Variants in SLC7A2 observed in about 807,000 individuals in gnomAD.
SLC7A2 encodes the protein cationic amino acid transporter 2.
SLC7A2 carries 48 observed loss-of-function variants against 58.9 expected under a neutral mutation model. The ratio of observed to expected loss-of-function variants is 0.82; its 90% CI spans 0.65 to 1.04. The LOEUF is 1.04. Ranked by LOEUF, SLC7A2 falls within the 50% of genes least tolerant of loss-of-function variation. SLC7A2 has a pLI of 0.00. For synonymous variants in SLC7A2, 363 were observed against 314.5 expected (o/e 1.15, Z -1.63); for missense variants, 1,029 against 818.8 (o/e 1.26, Z -3.13).
intron 2 of SLC7A2, among the ~76,000 whole-genome samples, chr8:17,521,935 G>A (rs987733721): frequency 6.6e-6 from 1 of 152,178 alleles, no homozygotes; most frequent in Non-Finnish European, 1.5e-5. Context: ...ATTGTGTTTG[G>A]AAAGTTCTTT....
intron 2 of SLC7A2, among the ~76,000 whole-genome samples, chr8:17,536,980 C>T (rs1391741046): frequency 6.6e-6 from 1 of 152,234 alleles, no homozygotes; most frequent in African/African-American, 2.4e-5. Flanking sequence ...CCAGGCTCCT[C>T]TTGCCCTGCC....
At chr8:17,542,866 G>A (rs1323417970) in intron 2 of SLC7A2, among the ~76,000 whole-genome samples, 1 of 152,122 alleles carries the variant, frequency 6.6e-6, no homozygotes, top group South Asian at 2.1e-4. Flanking sequence ...GGAGGCTGAG[G>A]TGGGAGGATT....
chr8:17,538,911 C>A lies in SLC7A2; in HGVS notation c.-22-4407C>A, dbSNP rs200077616. The A allele has an allele frequency of 1.3e-3, 2,170 of 1,612,652 alleles. 2 individuals carry two copies. Among genetic ancestry groups the A allele is most frequent in the Non-Finnish European group, 1.7e-3 (2,041 of 1,178,824 alleles). ...CACCTGCCCCACCGGTTTGCGACAG[C>A]AAGTTTCTCCTGTAAGATTTATTGT... On this transcript the variant is annotated intron_variant, in intron 2 of 12. Transcript: ENST00000494857.
chr8:17,495,287 T>A (rs1311601233), upstream of SLC7A2, among the ~76,000 whole-genome samples: 1 of 152,096 alleles, frequency 6.6e-6, no homozygotes, highest in Non-Finnish European at 1.5e-5. Context: ...TAGACCAGAT[T>A]ACTCACCCTT....
chr8:17,550,482 G>T lies in SLC7A2; in HGVS notation c.832+48G>T, dbSNP rs749348921. 4 of 1,573,124 alleles carry T rather than the reference G, an allele frequency of 2.5e-6. No homozygotes were observed. The East Asian group carries it at 9.1e-5, about 36-fold the overall frequency. On this transcript the variant is annotated intron_variant, in intron 6 of 12. Coordinates refer to ENST00000494857, the MANE Select transcript of SLC7A2 (RefSeq NM_001370338.1). Reference sequence around the variant, plus strand: ...GTGTAGAAGGAGTGTTCCTTGTTGTGCACGAGTACCCGTGTGTGGTAGCAG... The same window carrying T: ...GTGTAGAAGGAGTGTTCCTTGTTGTTCACGAGTACCCGTGTGTGGTAGCAG...
chr8:17,519,053 T>A (rs1297432493), intron 2 of SLC7A2, among the ~76,000 whole-genome samples: 1 of 152,138 alleles, frequency 6.6e-6, no homozygotes, highest in East Asian at 1.9e-4. Context: ...CATCTAGCCC[T>A]AATTACCTTC....
intron 4 of SLC7A2, among the ~76,000 whole-genome samples, chr8:17,544,985 C>G (rs1041793858): frequency 4.6e-5 from 7 of 152,156 alleles, no homozygotes; most frequent in Admixed American, 4.6e-4. Context: ...TTTGCAATTT[C>G]TAGAAGAATT....
At chr8:17,536,586 AT>A (rs1024502393) in intron 2 of SLC7A2, among the ~76,000 whole-genome samples, 3 of 152,092 alleles carry the variant, frequency 2.0e-5, no homozygotes, top group African/African-American at 7.2e-5. Context: ...ATGTCAAGCT[AT>A]TTTTTTCAAG....
At chr8:17,555,225 G>A (rs1323242046) in intron 8 of SLC7A2, 3 of 710,104 alleles carry the variant, frequency 4.2e-6, no homozygotes, top group Admixed American at 2.9e-5. Context: ...ACAAGCATTG[G>A]GATTAACATG....
In SLC7A2 at chr8:17,560,436, G is replaced by T. The variant is rs746811417; in HGVS notation, c.1407G>T (p.Leu469=). 8.7e-6 allele frequency: 14 copies of T among 1,614,082 alleles called. No individual in the cohort carries two copies. The highest frequency in any genetic ancestry group is 1.2e-5 in the Non-Finnish European group (14 of 1,179,972). The change falls in exon 10 of 13, where the codon CTG becomes CTT. Residue 469 remains leucine, a synonymous_variant. Transcript: ENST00000494857. ...AGAGTGAGTCCCAGGTCACCATGCT[G>T]CAGAGACAGGGCTTCAGCATGCGGA... ...TSKSESQVTM[L]QRQGFSMRTL...
Position 17,516,365 on chromosome 8 carries a change from A to G in SLC7A2, c.-23+14063A>G, listed in dbSNP as rs191937457. Among the ~76,000 whole-genome samples, 547 of 152,250 alleles carry G rather than the reference A, an allele frequency of 3.6e-3. 12 individuals are homozygous for G. The highest frequency in any genetic ancestry group is 0.034 in the Admixed American group (515 of 15,294). ...CTCAGCCTCCCAAGTAGCTGGGATT[A>G]CAGGTGCACCACCACACCCGGCTAA... On this transcript the variant is annotated intron_variant, in intron 2 of 12. Transcript: ENST00000494857.
intron 2 of SLC7A2, among the ~76,000 whole-genome samples, chr8:17,540,171 G>A (rs758352947): frequency 6.6e-6 from 1 of 152,092 alleles, no homozygotes; most frequent in Admixed American, 6.6e-5. Context: ...GTTTAAAAAT[G>A]ACTCATTAAA....
intron 2 of SLC7A2, among the ~76,000 whole-genome samples, chr8:17,524,308 T>G (rs1470020406): frequency 6.6e-6 from 1 of 152,112 alleles, no homozygotes; most frequent in Non-Finnish European, 1.5e-5. Flanking sequence ...TGCACATGCA[T>G]GTTTATAGTA....
chr8:17,515,179 T>G (rs1202936109), intron 2 of SLC7A2, among the ~76,000 whole-genome samples: 1 of 152,208 alleles, frequency 6.6e-6, no homozygotes, highest in African/African-American at 2.4e-5. Context: ...AGTCAGTATG[T>G]AATGGTGTGA....
At chr8:17,547,328 A>G (rs115619155) in intron 4 of SLC7A2, among the ~76,000 whole-genome samples, 1 of 152,254 alleles carries the variant, frequency 6.6e-6, no homozygotes, top group African/African-American at 2.4e-5. Context: ...TGTATTCAGT[A>G]TCATGAGAAC....
chr8:17,554,507 A>T (rs1226699644), intron 7 of SLC7A2, 53 bp from the exon 8 acceptor site: 10 of 1,445,766 alleles, frequency 6.9e-6, no homozygotes, highest in African/African-American at 4.3e-5. Flanking sequence ...CCGTTCGGGG[A>T]TGTAATCTTG....
intron 2 of SLC7A2, among the ~76,000 whole-genome samples, chr8:17,526,576 T>C (rs1439522199): frequency 6.6e-6 from 1 of 151,814 alleles, no homozygotes; most frequent in Non-Finnish European, 1.5e-5. Flanking sequence ...GTGTGTGGAG[T>C]GAGTAGAGAT....
At chr8:17,495,259 A>T (rs775964443), upstream of SLC7A2, among the ~76,000 whole-genome samples, 4 of 152,024 alleles carry the variant, frequency 2.6e-5, no homozygotes, top group Non-Finnish European at 5.9e-5. Context: ...TATTTTTTTT[A>T]AACCAGGTGA....
intron 8 of SLC7A2, among the ~76,000 whole-genome samples, chr8:17,557,743 G>A (rs371344717): frequency 5.9e-5 from 9 of 152,236 alleles, no homozygotes; most frequent in African/African-American, 1.7e-4. Context: ...TATGACAATC[G>A]CTTGGACCAG....
Sources: allele counts gnomAD v4.1 joint callset (sites outside exome capture counted in the v4.1 genomes callset), GRCh38; gene constraint gnomAD v4.1.1; transcripts MANE v1.5; gene names NCBI Gene and HGNC (gene_info 2026-07-23, HGNC 2026-07-21).